The following SAMD4A variants were observed in gnomAD, a reference collection of about 807,000 sequenced individuals.
The protein encoded by SAMD4A is protein Smaug homolog 1.
A neutral mutation model predicts 81.3 loss-of-function variants in SAMD4A; 33 were observed. That is an observed-to-expected ratio of 0.41 (90% CI 0.31 to 0.54). The LOEUF (loss-of-function observed/expected upper bound fraction) is 0.54. Among genes scored for constraint, SAMD4A ranks in the 20% least tolerant of loss-of-function variants. The probability of loss-of-function intolerance (pLI) is 0.37; values close to 1 mark genes in which losing one functional copy is unlikely to be tolerated. For synonymous variants in SAMD4A, 389 were observed against 382.1 expected, an observed-to-expected ratio of 1.02 and a Z score of -0.21; for missense variants, 854 against 951.1, an observed-to-expected ratio of 0.90 and a Z score of 1.34.
intron 2 of SAMD4A, among the ~76,000 whole-genome samples, chr14:54,700,827 A>G (rs566989819): frequency 6.7e-4 from 102 of 152,202 alleles, no homozygotes; most frequent in African/African-American, 2.4e-3. Context: ...AGAGCTTGAA[A>G]CTTGAGGACA....
intron 2 of SAMD4A, among the ~76,000 whole-genome samples, chr14:54,613,236 G>A (rs2034408679): frequency 6.6e-6 from 1 of 152,154 alleles, no homozygotes; most frequent in Non-Finnish European, 1.5e-5. Context: ...GCCAAGGAGA[G>A]CAGAGATGCT....
chr14:54,580,700 G>T (rs1258388012), intron 2 of SAMD4A, among the ~76,000 whole-genome samples: 2 of 151,896 alleles, frequency 1.3e-5, no homozygotes, highest in Non-Finnish European at 2.9e-5. Context: ...CTTAGGGCTT[G>T]CTGGTGCCCT....
At chr14:54,682,826 T>G in intron 2 of SAMD4A, among the ~76,000 whole-genome samples, 1 of 152,204 alleles carries the variant, frequency 6.6e-6, no homozygotes, top group Non-Finnish European at 1.5e-5. Context: ...ATTCAGTGAC[T>G]TATGCAATGC....
At chr14:54,572,689 A>G (rs986522532) in intron 2 of SAMD4A, among the ~76,000 whole-genome samples, 3 of 152,250 alleles carry the variant, frequency 2.0e-5, no homozygotes, top group South Asian at 4.1e-4. Context: ...AGCCTGGGCT[A>G]GTTAAATAAT....
rs117981310 is a variant in SAMD4A at position 54,671,879 on chromosome 14, G to A, written c.197-30183G>A. Reference sequence around the variant, plus strand: ...GGCCCTAGCAGGAAGCTGAACTTTGGGGCAAGAGAAGGGGTGGTGCTGCAG... The same window carrying A: ...GGCCCTAGCAGGAAGCTGAACTTTGAGGCAAGAGAAGGGGTGGTGCTGCAG... On this transcript the variant is annotated intron_variant, in intron 2 of 12. Coordinates refer to ENST00000554335, the MANE Select transcript of SAMD4A (RefSeq NM_015589.6). 6.6e-5 allele frequency among the ~76,000 whole-genome samples: 10 copies of A among 152,208 alleles called. No homozygotes were observed. The East Asian group carries it at 1.9e-3, about 29-fold the overall frequency.
intron 2 of SAMD4A, among the ~76,000 whole-genome samples, chr14:54,621,822 G>A (rs1216524423): frequency 6.6e-6 from 1 of 152,084 alleles, no homozygotes; most frequent in African/African-American, 2.4e-5. Flanking sequence ...AAAATCTTCT[G>A]GTTTTGTAAG....
At chr14:54,709,859 C>G (rs1242999500) in intron 3 of SAMD4A, among the ~76,000 whole-genome samples, 1 of 152,164 alleles carries the variant, frequency 6.6e-6, no homozygotes, top group Non-Finnish European at 1.5e-5. Context: ...ACCATTCAGG[C>G]AAAGAATAAG....
chr14:54,581,651 T>A (rs1487811408), intron 2 of SAMD4A, among the ~76,000 whole-genome samples: 1 of 152,248 alleles, frequency 6.6e-6, no homozygotes, highest in Non-Finnish European at 1.5e-5. Context: ...TCTGTATCCC[T>A]GCCTGTAAAG....
At chr14:54,729,716 G>A (rs7158536) in intron 3 of SAMD4A, among the ~76,000 whole-genome samples, 2,691 of 152,256 alleles carry the variant, frequency 0.018, 69 homozygotes, top group African/African-American at 0.057. Context: ...TGATCCCATC[G>A]TTTCTTGAAT....
At chr14:54,684,053 A>G (rs2036192629) in intron 2 of SAMD4A, among the ~76,000 whole-genome samples, 1 of 152,212 alleles carries the variant, frequency 6.6e-6, no homozygotes, top group Non-Finnish European at 1.5e-5. Context: ...GTTTTAATTT[A>G]TTTGTGGTTA....
At chr14:54,585,491 C>T (rs1187588) in intron 2 of SAMD4A, among the ~76,000 whole-genome samples, 59,257 of 151,762 alleles carry the variant, frequency 0.39, 11,919 homozygotes, top group African/African-American at 0.49. Flanking sequence ...GGTATTTGGT[C>T]ACATGAATAA....
intron 2 of SAMD4A, among the ~76,000 whole-genome samples, chr14:54,625,183 A>T (rs927250336): frequency 6.6e-6 from 1 of 152,092 alleles, no homozygotes; most frequent in Non-Finnish European, 1.5e-5. Flanking sequence ...AATCCCCAAA[A>T]CTGCCAATGA....
At chr14:54,755,024 C>G (rs2038202137) in intron 6 of SAMD4A, 1 of 193,398 alleles carries the variant, frequency 5.2e-6, no homozygotes, top group Non-Finnish European at 9.5e-6. Flanking sequence ...GGGAAGCTTC[C>G]TGAGGTGAAA....
At chr14:54,586,106 A>T (rs2033608264) in intron 2 of SAMD4A, among the ~76,000 whole-genome samples, 1 of 151,586 alleles carries the variant, frequency 6.6e-6, no homozygotes. Flanking sequence ...ATCTGTTTTT[A>T]TTTTTTTATT....
rs550098626 is a variant in SAMD4A at position 54,766,625 on chromosome 14, T to A, written c.1596+2085T>A. ...AGTGATGTCTGCAGGGCTCCGTGTTTTGTTGAGAAGTAGGACATTTGTGGG... is the reference window on the plus strand; with the variant it reads ...AGTGATGTCTGCAGGGCTCCGTGTTATGTTGAGAAGTAGGACATTTGTGGG... On this transcript the variant is annotated intron_variant, in intron 8 of 12. Coordinates refer to ENST00000554335, the MANE Select transcript of SAMD4A (RefSeq NM_015589.6). Among the ~76,000 whole-genome samples, 146 of 152,188 alleles carry A rather than the reference T, an allele frequency of 9.6e-4. 1 individual carries two copies. The highest frequency in any genetic ancestry group is 3.3e-3 in the African/African-American group (139 of 41,540).
intron 2 of SAMD4A, among the ~76,000 whole-genome samples, chr14:54,657,981 T>C (rs1170621252): frequency 1.3e-5 from 2 of 152,162 alleles, no homozygotes; most frequent in African/African-American, 2.4e-5. Context: ...TGTTCATGAA[T>C]TGAACTCCAC....
intron 2 of SAMD4A, among the ~76,000 whole-genome samples, chr14:54,609,677 T>C (rs1287374409): frequency 6.6e-6 from 1 of 152,222 alleles, no homozygotes; most frequent in Non-Finnish European, 1.5e-5. Context: ...GACGAGTGCA[T>C]CATTACAGGT....
intron 2 of SAMD4A, among the ~76,000 whole-genome samples, chr14:54,575,680 G>A (rs537981160): frequency 1.0e-3 from 154 of 152,304 alleles, no homozygotes; most frequent in African/African-American, 3.5e-3. Flanking sequence ...TGCTAGTAGT[G>A]CAGGTGTGTT....
At position 54,683,357 on chromosome 14, in the gene SAMD4A, C is replaced by T. The variant is rs144839734; in HGVS notation, c.197-18705C>T. On this transcript the variant is annotated intron_variant, in intron 2 of 12. Coordinates refer to ENST00000554335, the MANE Select transcript of SAMD4A (RefSeq NM_015589.6). ...TGATGTCTGGAGCCCAAGGCAGTCA[C>T]ATAGGATTTCTAAGATCATGACTAA... is the stretch of plus-strand genomic sequence containing the variant. 9.7e-4 allele frequency among the ~76,000 whole-genome samples: 147 copies of T among 152,254 alleles called. 1 individual carries two copies. In the East Asian group the frequency reaches 0.026, roughly 27 times the overall value.
Sources: allele counts gnomAD v4.1 joint callset (sites outside exome capture counted in the v4.1 genomes callset), GRCh38; gene constraint gnomAD v4.1.1; transcripts MANE v1.5; gene names NCBI Gene and HGNC (gene_info 2026-07-23, HGNC 2026-07-21).